The following MARCHF1 variants were observed in gnomAD, a reference collection of about 807,000 sequenced individuals.
MARCHF1 encodes the protein membrane associated ring-CH-type finger 1.
A neutral mutation model predicts 54.2 loss-of-function variants in MARCHF1; 40 were observed. The ratio of observed to expected loss-of-function variants is 0.74; its 90% CI spans 0.57 to 0.96. MARCHF1 has a LOEUF of 0.96. MARCHF1 is among the 40% of genes least tolerant of loss of function. MARCHF1 has a pLI of 0.00. For missense variants in MARCHF1, 586 were observed against 656.5 expected (o/e 0.89, Z 1.17); for synonymous variants, 236 against 236.3 (o/e 1.00, Z 0.01).
intron 4 of MARCHF1, among the ~76,000 whole-genome samples, chr4:163,735,390 C>T (rs1239804220): frequency 2.0e-5 from 3 of 152,174 alleles, no homozygotes; most frequent in Non-Finnish European, 4.4e-5. Context: ...CAGTTTCTAA[C>T]ATATTATACA....
At chr4:164,239,762 A>G (rs1732672555) in intron 1 of MARCHF1, among the ~76,000 whole-genome samples, 1 of 152,126 alleles carries the variant, frequency 6.6e-6, no homozygotes, top group Non-Finnish European at 1.5e-5. Flanking sequence ...AACACTCACA[A>G]AATAATTTTT....
At chr4:164,328,949 T>A (rs1490039409) in intron 1 of MARCHF1, among the ~76,000 whole-genome samples, 1 of 152,200 alleles carries the variant, frequency 6.6e-6, no homozygotes, top group Admixed American at 6.5e-5. Context: ...CAGAATAAAC[T>A]TTCAGTTAAG....
At chr4:164,234,161 G>A (rs931129632) in intron 1 of MARCHF1, among the ~76,000 whole-genome samples, 1 of 151,992 alleles carries the variant, frequency 6.6e-6, no homozygotes, top group Non-Finnish European at 1.5e-5. Context: ...TTACTATGAA[G>A]GATAATTACC....
chr4:163,568,790 G>C (rs937864520), intron 8 of MARCHF1, among the ~76,000 whole-genome samples: 2 of 152,080 alleles, frequency 1.3e-5, no homozygotes, highest in Non-Finnish European at 1.5e-5. Context: ...CTGTCACAGG[G>C]AGCAGTGGTC....
At chr4:163,659,548 CA>C (rs1264609878) in intron 5 of MARCHF1, among the ~76,000 whole-genome samples, 2 of 152,008 alleles carry the variant, frequency 1.3e-5, no homozygotes, top group African/African-American at 4.8e-5. Context: ...CCAAAATTGA[CA>C]AATGGGATCT....
intron 3 of MARCHF1, among the ~76,000 whole-genome samples, chr4:163,888,682 T>C (rs969700312): frequency 2.6e-5 from 4 of 152,166 alleles, no homozygotes; most frequent in African/African-American, 9.7e-5. Context: ...AAATCAACTA[T>C]TGATGTGCAG....
At chr4:164,337,492 T>C (rs1039814631) in intron 1 of MARCHF1, among the ~76,000 whole-genome samples, 42 of 152,196 alleles carry the variant, frequency 2.8e-4, no homozygotes. Context: ...ATTATCTTTC[T>C]CACCCAAAAT....
intron 5 of MARCHF1, among the ~76,000 whole-genome samples, chr4:163,658,765 G>A (rs1332229787): frequency 4.6e-5 from 7 of 151,942 alleles, no homozygotes; most frequent in Non-Finnish European, 7.4e-5. Flanking sequence ...ACAGGGAGGG[G>A]AACAACACAC....
chr4:163,868,377 A>C (rs1750100532), intron 3 of MARCHF1, among the ~76,000 whole-genome samples: 1 of 151,986 alleles, frequency 6.6e-6, no homozygotes, highest in South Asian at 2.1e-4. Flanking sequence ...ATTTGTGAGG[A>C]TATGACAAAA....
rs1738126682 is a variant in MARCHF1, at chr4:163,526,900, G to A, written c.*1848C>T. On this transcript the variant is annotated 3_prime_UTR_variant, in exon 10 of 10. Coordinates refer to ENST00000514618, the MANE Select transcript of MARCHF1 (RefSeq NM_001394959.1). Reference sequence around the variant, plus strand: ...TATTTCTAGGAATCAAGACTATCTGGACTCAGTGTCAGCCACTACTAATAT... The same window carrying A: ...TATTTCTAGGAATCAAGACTATCTGAACTCAGTGTCAGCCACTACTAATAT... 1 of 151,486 alleles carries A rather than the reference G, an allele frequency of 6.6e-6. No individual in the cohort carries two copies. The highest frequency in any genetic ancestry group is 2.1e-4 in the South Asian group (1 of 4,802). The allele number at this position is 151,486 out of a possible 1,614,324, so 9.4% of individuals were successfully genotyped here. A position where few individuals can be genotyped will look rare whatever the true frequency, so the allele number is the denominator to read the frequency against.
chr4:164,022,690 T>C (rs1395319123), intron 2 of MARCHF1, among the ~76,000 whole-genome samples: 1 of 152,038 alleles, frequency 6.6e-6, no homozygotes, highest in African/African-American at 2.4e-5. Flanking sequence ...TGCGGCGGAG[T>C]GCGGCCATAG....
chr4:163,799,231 G>T (rs12500778), intron 4 of MARCHF1, among the ~76,000 whole-genome samples: 131,551 of 151,904 alleles, frequency 0.87, 58,396 homozygotes, highest in South Asian at 0.98. Context: ...AGCATTTTCA[G>T]TATCACAGAG....
chr4:164,057,632 T>C (rs193153425), intron 2 of MARCHF1, among the ~76,000 whole-genome samples: 1 of 152,228 alleles, frequency 6.6e-6, no homozygotes, highest in Admixed American at 6.5e-5. Flanking sequence ...AGCAACTATA[T>C]TGGGTCAAGA....
At chr4:164,090,525 G>C (rs182002534) in intron 2 of MARCHF1, among the ~76,000 whole-genome samples, 187 of 151,968 alleles carry the variant, frequency 1.2e-3, no homozygotes, top group African/African-American at 4.3e-3. Flanking sequence ...ATTTTTGGTT[G>C]GAAATATCAC....
At chr4:164,110,142 AC>A (rs1279465677) in intron 2 of MARCHF1, among the ~76,000 whole-genome samples, 1 of 151,206 alleles carries the variant, frequency 6.6e-6, no homozygotes, top group African/African-American at 2.4e-5. Flanking sequence ...ACACACACAC[AC>A]ACACACACAC....
intron 4 of MARCHF1, among the ~76,000 whole-genome samples, chr4:163,835,753 C>A (rs1749162871): frequency 6.6e-6 from 1 of 152,148 alleles, no homozygotes; most frequent in Non-Finnish European, 1.5e-5. Context: ...ATGAGTAATG[C>A]ACTCATATAT....
chr4:163,572,281 A>G (rs1739863969), intron 8 of MARCHF1, among the ~76,000 whole-genome samples: 1 of 149,694 alleles, frequency 6.7e-6, no homozygotes, highest in African/African-American at 2.4e-5. Flanking sequence ...ATTCTTCTGA[A>G]CGTTTAAAAT....
At chr4:164,319,212 T>C (rs934982864) in intron 1 of MARCHF1, among the ~76,000 whole-genome samples, 1 of 152,194 alleles carries the variant, frequency 6.6e-6, no homozygotes, top group African/African-American at 2.4e-5. Context: ...AATCTTTACA[T>C]AGCATTTAAC....
chr4:163,834,281 A>G (rs1450940118), intron 4 of MARCHF1, among the ~76,000 whole-genome samples: 1 of 147,834 alleles, frequency 6.8e-6, no homozygotes, highest in East Asian at 2.0e-4. Flanking sequence ...AAACCTGCCA[A>G]AAAAAAAAAA....
Sources: gnomAD v4.1 joint callset for allele counts (sites outside exome capture counted in the v4.1 genomes callset) on GRCh38, gnomAD v4.1.1 for gene constraint, MANE v1.5 for transcripts, NCBI Gene and HGNC (gene_info 2026-07-23, HGNC 2026-07-21) for gene names.